Variants in HGSNAT observed in about 807,000 individuals in gnomAD.
HGSNAT encodes the protein transmembrane protein 76.
Under a neutral mutation model 85.2 loss-of-function variants are expected in HGSNAT, and 59 were observed. That is an observed-to-expected ratio of 0.69 (90% CI 0.56 to 0.86). The LOEUF (loss-of-function observed/expected upper bound fraction) is 0.86. HGSNAT is among the 40% of genes least tolerant of loss of function. HGSNAT has a pLI of 0.00. For missense variants in HGSNAT, 756 were observed against 777.1 expected, an observed-to-expected ratio of 0.97 and a Z score of 0.32; for synonymous variants, 321 against 304.5, an observed-to-expected ratio of 1.05 and a Z score of -0.56.
chr8:43,140,683 C>A, intron 1 of HGSNAT, 69 bp downstream of exon 1: 1 of 774,294 alleles, frequency 1.3e-6, no homozygotes, highest in South Asian at 4.1e-5. Flanking sequence ...CGGCGCCGCC[C>A]CTATCTCCGT....
At position 43,192,365 on chromosome 8, in the gene HGSNAT, G is replaced by A. The variant is rs201901263; in HGVS notation, c.1312G>A (p.Ala438Thr). Residue 438 changes from alanine to threonine, a missense_variant, in exon 13 of 18, where the codon GCT becomes ACT. Coordinates refer to ENST00000379644, the MANE Select transcript of HGSNAT (RefSeq NM_152419.3). The stretch of plus-strand genomic sequence containing the variant: ...CAAGTATCCAAATTGCACTGGAGGA[G>A]CTGCAGGCTACATCGACCGCCTGCT... ...FGKYPNCTGG[A>T]AGYIDRLLLG... 2.0e-5 allele frequency: 33 copies of A among 1,612,786 alleles called. No individual in the cohort carries two copies. In the East Asian group the frequency reaches 7.1e-4, roughly 35 times the overall value.
chr8:43,190,314 G>A (rs1443176462), intron 11 of HGSNAT, among the ~76,000 whole-genome samples: 6 of 152,164 alleles, frequency 3.9e-5, no homozygotes, highest in Non-Finnish European at 8.8e-5. Flanking sequence ...AGTTAATAAA[G>A]CCGTGTTGTC....
chr8:43,189,190 A>C (rs896669703), intron 11 of HGSNAT, among the ~76,000 whole-genome samples: 7 of 152,174 alleles, frequency 4.6e-5, no homozygotes, highest in Non-Finnish European at 7.3e-5. Flanking sequence ...AGTTTGCAGA[A>C]GTTTCTGCTG....
chr8:43,190,507 C>T (rs1285329909), intron 11 of HGSNAT, among the ~76,000 whole-genome samples: 1 of 152,038 alleles, frequency 6.6e-6, no homozygotes, highest in African/African-American at 2.4e-5. Context: ...GAAGGACAGG[C>T]GAGACGTGCC....
intron 12 of HGSNAT, 50 bp downstream of exon 12, chr8:43,191,645 G>A: frequency 6.3e-7 from 1 of 1,588,762 alleles, no homozygotes; most frequent in Non-Finnish European, 8.6e-7. Context: ...GTTCTGCCCA[G>A]TCAGAGGTTC....
chr8:43,170,515 C>CA (rs1362369127), intron 6 of HGSNAT, 70 bp from the exon 7 acceptor site: 24 of 1,261,208 alleles, frequency 1.9e-5, no homozygotes, highest in African/African-American at 9.0e-5. Context: ...ACAAAGAAAT[C>CA]AAAAAATGAC....
intron 1 of HGSNAT, 62 bp from the exon 2 acceptor site, chr8:43,146,886 T>A: frequency 3.3e-6 from 3 of 914,388 alleles, no homozygotes; most frequent in Non-Finnish European, 5.0e-6. Flanking sequence ...ATGTACTTTG[T>A]CTCTAACACA....
At chr8:43,163,044 G>A (rs1563363691) in intron 5 of HGSNAT, among the ~76,000 whole-genome samples, 1 of 152,130 alleles carries the variant, frequency 6.6e-6, no homozygotes, top group Non-Finnish European at 1.5e-5. Context: ...AAGTAGCTAA[G>A]TGTGATGGTG....
At chr8:43,140,676 C>T in intron 1 of HGSNAT, 62 bp downstream of exon 1, 2 of 841,530 alleles carry the variant, frequency 2.4e-6, no homozygotes, top group Non-Finnish European at 3.1e-6. Context: ...CTCTCCGCGG[C>T]GCCGCCCCTA....
At chr8:43,146,788 C>T (rs922155383) in intron 1 of HGSNAT, among the ~76,000 whole-genome samples, 160 bp from the exon 2 acceptor site, 5 of 152,080 alleles carry the variant, frequency 3.3e-5, no homozygotes, top group African/African-American at 4.8e-5. Context: ...CATATATCTG[C>T]GCATACACAA....
chr8:43,164,633 TA>T (rs1275521442), intron 5 of HGSNAT, among the ~76,000 whole-genome samples: 8 of 152,038 alleles, frequency 5.3e-5, no homozygotes, highest in African/African-American at 1.9e-4. Context: ...ATAGAAAAAT[TA>T]GCTGGGCGTG....
At position 43,170,506 on chromosome 8, in the gene HGSNAT, CAAAG is replaced by C. The variant is rs369987851; in HGVS notation, c.634-75_634-72del. On this transcript the variant is annotated intron_variant, in intron 6 of 17. Transcript: ENST00000379644. ...AAAAACAAAACAAAACAAAACAAAA[CAAAG>C]AAATCAAAAAATGACAAAATGAAAT... 1.6e-4 allele frequency: 196 copies of C among 1,226,640 alleles called. 1 individual carries two copies. The East Asian group carries it at 3.1e-3, about 19-fold the overall frequency. The allele number at this position is 1,226,640 out of a possible 1,614,324, so 76.0% of individuals were successfully genotyped here. A position where few individuals can be genotyped will look rare whatever the true frequency, so the allele number is the denominator to read the frequency against.
Position 43,158,614 on chromosome 8 carries a change from A to G in HGSNAT, c.274A>G (p.Lys92Glu), listed in dbSNP as rs1803166755. Residue 92 changes from lysine (K) to glutamate (E), a missense_variant, in exon 3 of 18, where the codon AAA becomes GAA. Lys to Glu is a moderately conservative substitution (Grantham distance 56). Transcript: ENST00000379644. Reference sequence around the variant, plus strand: ...TCTGGTAAACGTTCCTCAGAGTCCAAAAGCAGGGAAGCCTAGTGCTGCAGC... The same window carrying G: ...TCTGGTAAACGTTCCTCAGAGTCCAGAAGCAGGGAAGCCTAGTGCTGCAGC... ...QVLVNVPQSP[K>E]AGKPSAAAAS... The G allele has an allele frequency of 1.4e-5, 22 of 1,613,990 alleles. No homozygotes were observed. Among genetic ancestry groups the G allele is most frequent in the Non-Finnish European group, 1.9e-5 (22 of 1,179,868 alleles).
At chr8:43,157,788 TAAAAC>T (rs1418902202) in intron 2 of HGSNAT, among the ~76,000 whole-genome samples, 2 of 151,790 alleles carry the variant, frequency 1.3e-5, no homozygotes, top group African/African-American at 4.8e-5. Flanking sequence ...AAAACAAAAA[TAAAAC>T]AAAACAAAAA....
chr8:43,161,317 A>G, intron 4 of HGSNAT, 121 bp from the exon 5 acceptor site: 1 of 701,166 alleles, frequency 1.4e-6, no homozygotes, highest in South Asian at 2.0e-5. Flanking sequence ...TAGGAAATTC[A>G]GCATGAGAAT....
At chr8:43,183,557 G>T (rs1217353662) in intron 11 of HGSNAT, among the ~76,000 whole-genome samples, 1 of 150,334 alleles carries the variant, frequency 6.7e-6, no homozygotes, top group East Asian at 2.0e-4. Flanking sequence ...TGCAAACTCC[G>T]CCTCCTGGGT....
rs2130819532 is a variant in HGSNAT at position 43,196,941 on chromosome 8, C to T, written c.1465-7C>T. 1 of 1,576,652 alleles carries T rather than the reference C, an allele frequency of 6.3e-7. No homozygotes were observed. The highest frequency in any genetic ancestry group is 8.7e-7 in the Non-Finnish European group (1 of 1,146,222). ...TTCTTTTGGTCACACTGTGTTATCT[C>T]CTCCAGGCAGGAAAAATACTATTGT... is the stretch of plus-strand genomic sequence containing the variant. On this transcript the variant is annotated splice_polypyrimidine_tract_variant and splice_region_variant and intron_variant, in intron 14 of 17. Transcript: ENST00000379644.
chr8:43,171,883 A>G (rs1803636497), intron 7 of HGSNAT, among the ~76,000 whole-genome samples: 1 of 152,210 alleles, frequency 6.6e-6, no homozygotes, highest in East Asian at 1.9e-4. Flanking sequence ...AACCTTGCCC[A>G]GGGTCTTATG....
At chr8:43,177,951 C>A in intron 9 of HGSNAT, 123 bp from the exon 10 acceptor site, 1 of 804,084 alleles carries the variant, frequency 1.2e-6, no homozygotes, top group Non-Finnish European at 2.1e-6. Flanking sequence ...AGTATTATTT[C>A]AGTAATTGGC....
Sources: gnomAD v4.1 joint callset for allele counts (sites outside exome capture counted in the v4.1 genomes callset) on GRCh38, gnomAD v4.1.1 for gene constraint, MANE v1.5 for transcripts, NCBI Gene and HGNC (gene_info 2026-07-23, HGNC 2026-07-21) for gene names.